Variants in ATRN observed in about 807,000 individuals in gnomAD.
ATRN encodes attractin.
In ATRN, 54 loss-of-function variants were observed where a neutral mutation model predicts 178.7. The observed-to-expected ratio is 0.30, with a 90% CI of 0.24 to 0.38. ATRN has a LOEUF of 0.38. ATRN is among the 10% of genes least tolerant of loss of function. The pLI is 1.00. For missense variants in ATRN, 1,443 were observed against 1,815.1 expected, an observed-to-expected ratio of 0.79 and a Z score of 3.73; for synonymous variants, 636 against 663.0, an observed-to-expected ratio of 0.96 and a Z score of 0.63.
intron 16 of ATRN, among the ~76,000 whole-genome samples, chr20:3,583,669 G>A (rs235541): frequency 0.75 from 114,430 of 152,032 alleles, 43,504 homozygotes; most frequent in East Asian, 1. Context: ...TTAGCCAGAC[G>A]TGATGGCGCA....
intron 24 of ATRN, among the ~76,000 whole-genome samples, chr20:3,615,571 T>A (rs2086833767): frequency 4.1e-5 from 6 of 145,668 alleles, no homozygotes; most frequent in African/African-American, 1.5e-4. Context: ...TTTTTTTTTT[T>A]TGGAGACAGA....
chr20:3,484,824 CTT>C (rs1362598072), intron 1 of ATRN, among the ~76,000 whole-genome samples: 1 of 151,734 alleles, frequency 6.6e-6, no homozygotes. Flanking sequence ...ATCTGACACA[CTT>C]TTATTAGATT....
At chr20:3,491,879 A>G (rs530080856) in intron 1 of ATRN, among the ~76,000 whole-genome samples, 3 of 152,306 alleles carry the variant, frequency 2.0e-5, no homozygotes, top group Admixed American at 2.0e-4. Flanking sequence ...ATTTCTGGAA[A>G]GTGTAAGGTT....
intron 3 of ATRN, among the ~76,000 whole-genome samples, chr20:3,540,566 C>T (rs1158941179): frequency 6.6e-6 from 1 of 152,160 alleles, no homozygotes; most frequent in East Asian, 1.9e-4. Context: ...GTGCCCTGAT[C>T]TGTAAAATTG....
chr20:3,629,287 G>T (rs374978242), intron 25 of ATRN: 1 of 985,290 alleles, frequency 1.0e-6, no homozygotes, highest in Non-Finnish European at 1.2e-6. Context: ...AAAATTCAGC[G>T]TCCTGGGTGA....
intron 1 of ATRN, among the ~76,000 whole-genome samples, chr20:3,487,013 C>G (rs1201098096): frequency 6.6e-6 from 1 of 151,962 alleles, no homozygotes; most frequent in African/African-American, 2.4e-5. Flanking sequence ...TTATCTATTT[C>G]CCTCTGTTGC....
At chr20:3,486,426 G>C (rs2084694768) in intron 1 of ATRN, among the ~76,000 whole-genome samples, 1 of 149,724 alleles carries the variant, frequency 6.7e-6, no homozygotes, top group African/African-American at 2.5e-5. Context: ...TTATTTTTTT[G>C]AGACAGAGTC....
intron 6 of ATRN, among the ~76,000 whole-genome samples, chr20:3,553,888 G>C (rs942142844): frequency 6.6e-6 from 1 of 152,100 alleles, no homozygotes. Context: ...CTTTATGGCA[G>C]TGTTAGTGAT....
intron 3 of ATRN, among the ~76,000 whole-genome samples, chr20:3,544,826 G>GTT (rs11481668): frequency 0.011 from 1,574 of 138,628 alleles, 37 homozygotes; most frequent in African/African-American, 0.037. Flanking sequence ...ACTCAGTAAG[G>GTT]TTTTTTTTTT....
At chr20:3,495,840 A>G (rs1044769295) in intron 1 of ATRN, among the ~76,000 whole-genome samples, 1 of 151,854 alleles carries the variant, frequency 6.6e-6, no homozygotes, top group Non-Finnish European at 1.5e-5. Context: ...AAGGGGATCT[A>G]TAAATCTATA....
intron 1 of ATRN, among the ~76,000 whole-genome samples, chr20:3,531,760 G>C (rs2085456195): frequency 6.6e-6 from 1 of 152,092 alleles, no homozygotes; most frequent in African/African-American, 2.4e-5. Flanking sequence ...GTTTACCTTG[G>C]TCAAGGGTGG....
intron 18 of ATRN, among the ~76,000 whole-genome samples, chr20:3,585,893 T>TAC (rs949452722): frequency 7.9e-5 from 12 of 152,278 alleles, no homozygotes; most frequent in African/African-American, 2.9e-4. Context: ...CACAATGAGA[T>TAC]ACCACTTTAC....
intron 12 of ATRN, among the ~76,000 whole-genome samples, chr20:3,574,280 G>A (rs2853226): frequency 0.16 from 24,824 of 152,228 alleles, 2,500 homozygotes; most frequent in Middle Eastern, 0.3. Flanking sequence ...GGGAGGCTGA[G>A]GTATGGGGAT....
At chr20:3,533,714 G>T (rs1339311399) in intron 1 of ATRN, among the ~76,000 whole-genome samples, 1 of 151,992 alleles carries the variant, frequency 6.6e-6, no homozygotes, top group Non-Finnish European at 1.5e-5. Flanking sequence ...TTTTTATCTT[G>T]GTGGTTAGTC....
intron 15 of ATRN, among the ~76,000 whole-genome samples, chr20:3,580,745 G>A (rs890005121): frequency 1.3e-5 from 2 of 152,180 alleles, no homozygotes; most frequent in Non-Finnish European, 2.9e-5. Flanking sequence ...CTGGATGGGA[G>A]GGGATTTTTA....
At position 3,584,792 on chromosome 20, in the gene ATRN, T is replaced by C. The variant is rs768366443; in HGVS notation, c.3096T>C (p.Pro1032=). The C allele has an allele frequency of 6.2e-7, 1 of 1,614,220 alleles. No homozygotes were observed. Residue 1032 remains proline (P), a synonymous_variant, in exon 18 of 29, where the codon CCT becomes CCC. Coordinates refer to ENST00000262919, the MANE Select transcript of ATRN (RefSeq NM_139321.3). ...KGPVKMPSQA[P]TGNFYPQPLL... is the part of the protein sequence containing the mutation. ...CAGTGAAGATGCCTTCGCAAGCCCC[T>C]ACAGGAAATTTCTATCCACAGCCCC...
intron 24 of ATRN, among the ~76,000 whole-genome samples, chr20:3,607,394 A>C (rs2086689996): frequency 6.6e-6 from 1 of 152,158 alleles, no homozygotes; most frequent in South Asian, 2.1e-4. Flanking sequence ...CCAGCCCCCC[A>C]GCAGCTGGTA....
chr20:3,615,557 CTTTTTT>C (rs553919921), intron 24 of ATRN, among the ~76,000 whole-genome samples: 14 of 133,254 alleles, frequency 1.1e-4, no homozygotes, highest in Middle Eastern at 3.9e-3. Flanking sequence ...TTTCTTTTTT[CTTTTTT>C]TTTTTTTTTG....
rs924764320 is a variant in ATRN at position 3,490,933 on chromosome 20, C to T, written c.410+19416C>T. ...AGCGTGGACTTCTTAGTGAGCATCTCTTTGGCCATGACGTCCATGAGCCTT... is the reference window on the plus strand; with the variant it reads ...AGCGTGGACTTCTTAGTGAGCATCTTTTTGGCCATGACGTCCATGAGCCTT... On this transcript the variant is annotated intron_variant, in intron 1 of 28. Coordinates refer to ENST00000262919, the MANE Select transcript of ATRN (RefSeq NM_139321.3). 4 of 1,450,110 alleles carry T rather than the reference C, an allele frequency of 2.8e-6. No individual in the cohort carries two copies. In the Admixed American group the frequency reaches 5.0e-5, roughly 18 times the overall value. 89.8% of individuals were successfully genotyped at this position (1,450,110 alleles called of 1,614,324 possible). A position where few individuals can be genotyped will look rare whatever the true frequency, so the allele number is the denominator to read the frequency against.
Sources: allele counts gnomAD v4.1 joint callset (sites outside exome capture counted in the v4.1 genomes callset), GRCh38; gene constraint gnomAD v4.1.1; transcripts MANE v1.5; gene names NCBI Gene and HGNC (gene_info 2026-07-23, HGNC 2026-07-21).